The following RBFOX1 variants were observed in gnomAD, a reference collection of about 807,000 sequenced individuals.
The protein encoded by RBFOX1 is RNA binding protein fox-1 homolog 1.
A neutral mutation model predicts 57.7 loss-of-function variants in RBFOX1; 8 were observed. The observed-to-expected ratio is 0.14, with a 90% CI of 0.08 to 0.25. RBFOX1 has a LOEUF of 0.25. RBFOX1 is among the 10% of genes least tolerant of loss of function. RBFOX1 has a pLI of 1.00. For missense variants in RBFOX1, 611 were observed against 548.5 expected (o/e 1.11, Z -1.14); for synonymous variants, 326 against 222.4 (o/e 1.47, Z -4.15).
At chr16:6,886,490 C>G (rs1410746329) in intron 3 of RBFOX1, among the ~76,000 whole-genome samples, 1 of 152,048 alleles carries the variant, frequency 6.6e-6, no homozygotes, top group Non-Finnish European at 1.5e-5. Context: ...CGGTGGCTCA[C>G]ACCTGTAATC....
chr16:7,479,861 T>A (rs942260681), intron 4 of RBFOX1, among the ~76,000 whole-genome samples: 3 of 152,232 alleles, frequency 2.0e-5, no homozygotes, highest in African/African-American at 7.2e-5. Flanking sequence ...TTTGTTTTAA[T>A]AATAGACATT....
intron 2 of RBFOX1, among the ~76,000 whole-genome samples, chr16:6,399,330 G>A (rs2092972376): frequency 6.6e-6 from 1 of 152,176 alleles, no homozygotes; most frequent in African/African-American, 2.4e-5. Flanking sequence ...CTTGGTAATT[G>A]ACATTCAGCT....
chr16:6,314,788 T>C (rs4786857), intron 1 of RBFOX1, among the ~76,000 whole-genome samples: 48,449 of 152,090 alleles, frequency 0.32, 8,190 homozygotes, highest in Middle Eastern at 0.41. Context: ...CTACAACTAC[T>C]ATAATTATTA....
intron 1 of RBFOX1, among the ~76,000 whole-genome samples, chr16:5,430,945 C>T (rs775331779): frequency 6.6e-6 from 1 of 152,170 alleles, no homozygotes; most frequent in African/African-American, 2.4e-5. Flanking sequence ...GGGACCTGCT[C>T]AGTAACACCG....
intron 3 of RBFOX1, among the ~76,000 whole-genome samples, chr16:7,021,163 G>A (rs780427711): frequency 2.0e-5 from 3 of 151,864 alleles, no homozygotes; most frequent in African/African-American, 4.8e-5. Context: ...ATGAATAAAC[G>A]AAGCATCACA....
intron 2 of RBFOX1, among the ~76,000 whole-genome samples, chr16:6,516,143 T>G (rs42491): frequency 0.013 from 1,932 of 152,302 alleles, 105 homozygotes; most frequent in Admixed American, 0.099. Context: ...GTTCTTCTGC[T>G]TCAGCCTCCC....
chr16:7,385,817 G>A (rs975621380), intron 4 of RBFOX1, among the ~76,000 whole-genome samples: 2 of 152,072 alleles, frequency 1.3e-5, no homozygotes, highest in Middle Eastern at 3.4e-3. Flanking sequence ...GCAGTGGTGC[G>A]ACCTCGGCTC....
At chr16:5,749,031 G>C (rs1451342408) in intron 3 of RBFOX1, among the ~76,000 whole-genome samples, 2 of 152,148 alleles carry the variant, frequency 1.3e-5, no homozygotes, top group South Asian at 2.1e-4. Flanking sequence ...TCCATGTTGA[G>C]TGCTTCCTTC....
chr16:6,492,515 G>A (rs1177194462), intron 2 of RBFOX1, among the ~76,000 whole-genome samples: 1 of 152,192 alleles, frequency 6.6e-6, no homozygotes, highest in African/African-American at 2.4e-5. Context: ...GTTGCAGTGA[G>A]CCGAGATGGT....
intron 1 of RBFOX1, among the ~76,000 whole-genome samples, chr16:6,083,368 C>G (rs1297571347): frequency 1.3e-5 from 2 of 152,202 alleles, no homozygotes; most frequent in African/African-American, 2.4e-5. Flanking sequence ...TATGGAGACT[C>G]AGAAGATCCC....
At chr16:6,395,051 G>A (rs754175258) in intron 2 of RBFOX1, among the ~76,000 whole-genome samples, 3 of 152,154 alleles carry the variant, frequency 2.0e-5, no homozygotes, top group Non-Finnish European at 4.4e-5. Flanking sequence ...TTGGTTAGGT[G>A]GTATAGGCAA....
chr16:6,980,897 G>A (rs1225802423), intron 3 of RBFOX1, among the ~76,000 whole-genome samples: 1 of 151,856 alleles, frequency 6.6e-6, no homozygotes, highest in Non-Finnish European at 1.5e-5. Context: ...ACAAAAATTA[G>A]CTGGGCATGG....
chr16:6,734,538 A>G (rs2069570526), intron 3 of RBFOX1, among the ~76,000 whole-genome samples: 1 of 151,580 alleles, frequency 6.6e-6, no homozygotes, highest in Non-Finnish European at 1.5e-5. Context: ...CAAAGTACAA[A>G]TGGCCCAACT....
intron 3 of RBFOX1, among the ~76,000 whole-genome samples, chr16:6,935,696 G>A (rs142130631): frequency 6.6e-6 from 1 of 152,174 alleles, no homozygotes; most frequent in Non-Finnish European, 1.5e-5. Context: ...TGATTAGGAG[G>A]TTTGAGAATC....
chr16:6,351,372 A>ATATATATT (rs1199701253), intron 2 of RBFOX1, among the ~76,000 whole-genome samples: 2 of 86,430 alleles, frequency 2.3e-5, no homozygotes, highest in Non-Finnish European at 4.4e-5. Flanking sequence ...ATATATATAT[A>ATATATATT]TTTTTTTTTT....
intron 4 of RBFOX1, among the ~76,000 whole-genome samples, chr16:7,466,752 G>A: frequency 6.6e-6 from 1 of 152,176 alleles, no homozygotes; most frequent in Non-Finnish European, 1.5e-5. Context: ...TCATTCCTAG[G>A]TGTGTGCAAT....
chr16:6,744,389 G>A (rs1227551970), intron 3 of RBFOX1, among the ~76,000 whole-genome samples: 1 of 151,908 alleles, frequency 6.6e-6, no homozygotes, highest in South Asian at 2.1e-4. Context: ...TAAAATAGCA[G>A]GATACATATT....
At chr16:5,802,647 C>G (rs1276941754) in intron 3 of RBFOX1, among the ~76,000 whole-genome samples, 1 of 152,076 alleles carries the variant, frequency 6.6e-6, no homozygotes, top group African/African-American at 2.4e-5. Flanking sequence ...AGAGCTAGAC[C>G]CTGCAGATTT....
chr16:7,558,703 G>A (rs2152645550), intron 5 of RBFOX1, among the ~76,000 whole-genome samples: 1 of 152,078 alleles, frequency 6.6e-6, no homozygotes, highest in East Asian at 1.9e-4. Flanking sequence ...GCTACCCCAG[G>A]CTGACAAAAT....
Sources: allele counts gnomAD v4.1 joint callset (sites outside exome capture counted in the v4.1 genomes callset), GRCh38; gene constraint gnomAD v4.1.1; transcripts MANE v1.5; gene names NCBI Gene and HGNC (gene_info 2026-07-23, HGNC 2026-07-21).